LINGO2: variants seen among roughly 807,000 people sequenced by gnomAD.
LINGO2 encodes leucine rich repeat and Ig domain containing 2, also known as leucine-rich repeat and immunoglobulin-like domain-containing nogo receptor-interacting protein 2.
LINGO2 carries 14 observed loss-of-function variants against 30.6 expected under a neutral mutation model. That is an observed-to-expected ratio of 0.46 (90% confidence interval 0.30 to 0.72). The LOEUF (loss-of-function observed/expected upper bound fraction) is 0.72, where lower values mean the gene tolerates loss of function less well. Ranked by LOEUF, LINGO2 falls within the 30% of genes least tolerant of loss-of-function variation. The probability of loss-of-function intolerance (pLI) is 0.07; values close to 1 mark genes in which losing one functional copy is unlikely to be tolerated. For synonymous variants in LINGO2, 317 were observed against 288.5 expected (o/e 1.10, Z -1.00); for missense variants, 729 against 751.7 (o/e 0.97, Z 0.35).
At chr9:29,168,433 G>A in the LINGO2 span, among the ~76,000 whole-genome samples, 4 of 152,124 alleles carry the variant, frequency 2.6e-5, no homozygotes, top group Non-Finnish European at 5.9e-5. Flanking sequence ...CCAATCATAG[G>A]AATCACACCC....
the LINGO2 span, among the ~76,000 whole-genome samples, chr9:28,945,789 G>A: frequency 7.1e-4 from 108 of 152,212 alleles, no homozygotes; most frequent in African/African-American, 2.6e-3. Context: ...TCATGATAAC[G>A]GAACATTGTC....
chr9:28,684,340 ACCACG>A, the LINGO2 span, among the ~76,000 whole-genome samples: 1 of 150,490 alleles, frequency 6.6e-6, no homozygotes, highest in Non-Finnish European at 1.5e-5. Flanking sequence ...GGCGCCCGCC[ACCACG>A]CCCGGCTAAT....
the LINGO2 span, among the ~76,000 whole-genome samples, chr9:29,182,862 T>C: frequency 6.6e-6 from 1 of 152,046 alleles, no homozygotes; most frequent in African/African-American, 2.4e-5. Context: ...AGGAAGTAGA[T>C]TAAAGAAGAG....
chr9:28,248,599 T>G lies in LINGO2; in HGVS notation c.-87+46609A>C, dbSNP rs547019470. Among the ~76,000 whole-genome samples, 267 of 152,236 alleles carry G rather than the reference T, an allele frequency of 1.8e-3. 1 individual carries two copies. The highest frequency in any genetic ancestry group is 3.1e-3 in the Non-Finnish European group (211 of 67,986). ...TCAATAATAATCTAATTATGCATCT[T>G]AAAATAACTAAGAGTATAATTGGAT... On this transcript the variant is annotated intron_variant, in intron 4 of 5. Transcript: ENST00000379992.
chr9:28,491,652 C>T (rs1469277729), intron 1 of LINGO2, among the ~76,000 whole-genome samples: 2 of 152,078 alleles, frequency 1.3e-5, no homozygotes, highest in Non-Finnish European at 2.9e-5. Flanking sequence ...CAAATGGAAA[C>T]CTGTGCCTTT....
At position 28,027,983 on chromosome 9, in the gene LINGO2, A is replaced by G. The variant is rs144106810; in HGVS notation, c.-86-15578T>C. Among the ~76,000 whole-genome samples, 287 of 152,302 alleles carry G rather than the reference A, an allele frequency of 1.9e-3. 2 individuals are homozygous for G. The highest frequency in any genetic ancestry group is 0.014 in the Middle Eastern group (4 of 294). ...GGAAATCAAACTTAAAGAACATAAAATGATTCATAAATGGAGGTTTTTTCT... is the reference window on the plus strand; with the variant it reads ...GGAAATCAAACTTAAAGAACATAAAGTGATTCATAAATGGAGGTTTTTTCT... On this transcript the variant is annotated intron_variant, in intron 4 of 5. Coordinates refer to ENST00000379992, the Ensembl canonical transcript of LINGO2.
At chr9:28,838,786 G>A in the LINGO2 span, among the ~76,000 whole-genome samples, 3 of 152,158 alleles carry the variant, frequency 2.0e-5, no homozygotes, top group East Asian at 3.9e-4. Flanking sequence ...CCCACTTGGC[G>A]GGGCAGGCTA....
chr9:28,640,823 A>C (rs1313560705), intron 1 of LINGO2, among the ~76,000 whole-genome samples: 1 of 151,838 alleles, frequency 6.6e-6, no homozygotes, highest in Non-Finnish European at 1.5e-5. Flanking sequence ...TCTTCTCTCA[A>C]CTCGTCAAAG....
At chr9:28,055,155 T>G (rs1271338542) in intron 4 of LINGO2, among the ~76,000 whole-genome samples, 1 of 152,198 alleles carries the variant, frequency 6.6e-6, no homozygotes, top group African/African-American at 2.4e-5. Flanking sequence ...TTTGTTTTCC[T>G]TGTGGTTTAT....
intron 3 of LINGO2, among the ~76,000 whole-genome samples, chr9:28,313,641 C>G (rs191073602): frequency 8.7e-4 from 133 of 152,190 alleles, no homozygotes; most frequent in African/African-American, 2.8e-3. Flanking sequence ...TCAGAATCAC[C>G]CTCAAACTTA....
chr9:28,647,063 C>G (rs1366338693), intron 1 of LINGO2, among the ~76,000 whole-genome samples: 1 of 152,106 alleles, frequency 6.6e-6, no homozygotes, highest in Non-Finnish European at 1.5e-5. Context: ...ACAGGTATCC[C>G]TTTCTCACTG....
At chr9:28,436,683 T>A (rs956455906) in intron 2 of LINGO2, among the ~76,000 whole-genome samples, 4 of 152,092 alleles carry the variant, frequency 2.6e-5, no homozygotes, top group African/African-American at 9.7e-5. Flanking sequence ...GGTCTCGATC[T>A]CCTGACCTCG....
rs527267331 is a variant in LINGO2 at position 28,204,324 on chromosome 9, GATTA to G, written c.-87+90880_-87+90883del. On this transcript the variant is annotated intron_variant, in intron 4 of 5. Transcript: ENST00000379992. ...GTCATTTTGAGTCTTTTGTGGAATG[GATTA>G]ATTAATTACTAATACGATTAAGTAA... is the stretch of plus-strand genomic sequence containing the variant. 8.5e-5 allele frequency among the ~76,000 whole-genome samples: 13 copies of G among 152,198 alleles called. No homozygotes were observed. In the South Asian group the frequency reaches 2.1e-3, roughly 24 times the overall value.
the LINGO2 span, among the ~76,000 whole-genome samples, chr9:28,897,388 T>C: frequency 6.6e-6 from 1 of 152,162 alleles, no homozygotes; most frequent in East Asian, 1.9e-4. Flanking sequence ...AATCTACACT[T>C]TCCAGCCCTC....
the LINGO2 span, among the ~76,000 whole-genome samples, chr9:28,684,485 A>T: frequency 6.4e-5 from 9 of 140,900 alleles, no homozygotes; most frequent in African/African-American, 2.4e-4. Context: ...CACCGCGCCC[A>T]GCCTTTTTTT....
the LINGO2 span, among the ~76,000 whole-genome samples, chr9:29,149,297 T>C: frequency 6.6e-6 from 1 of 152,142 alleles, no homozygotes; most frequent in East Asian, 1.9e-4. Flanking sequence ...AAGACCAGCC[T>C]GGGCAACACT....
chr9:28,232,491 G>A (rs79085580), intron 4 of LINGO2, among the ~76,000 whole-genome samples: 1,519 of 149,984 alleles, frequency 0.01, 25 homozygotes, highest in African/African-American at 0.035. Context: ...TAAAACTGTC[G>A]AAGTTAGATA....
the LINGO2 span, among the ~76,000 whole-genome samples, chr9:29,070,091 A>G: frequency 2.8e-5 from 4 of 143,996 alleles, no homozygotes; most frequent in African/African-American, 1.1e-4. Flanking sequence ...ACACATACAC[A>G]TACATATATT....
intron 4 of LINGO2, among the ~76,000 whole-genome samples, chr9:28,242,759 A>C (rs2133979139): frequency 6.6e-6 from 1 of 152,352 alleles, no homozygotes; most frequent in Non-Finnish European, 1.5e-5. Context: ...AGCCCATCAG[A>C]TTAACAGCAG....
Sources: gnomAD v4.1 joint callset for allele counts (sites outside exome capture counted in the v4.1 genomes callset) on GRCh38, gnomAD v4.1.1 for gene constraint, MANE v1.5 for transcripts, NCBI Gene and HGNC (gene_info 2026-07-23, HGNC 2026-07-21) for gene names.